The following PGM5 variants were observed in gnomAD, a reference collection of about 807,000 sequenced individuals.
PGM5 encodes phosphoglucomutase-like protein 5.
In PGM5, 23 loss-of-function variants were observed where a neutral mutation model predicts 59.2. The observed-to-expected ratio is 0.39, with a 90% CI of 0.28 to 0.55. PGM5 has a LOEUF of 0.55. Among genes scored for constraint, PGM5 ranks in the 20% least tolerant of loss-of-function variants. PGM5 has a pLI of 0.66. For synonymous variants in PGM5, 214 were observed against 286.0 expected (o/e 0.75, Z 2.54); for missense variants, 574 against 748.3 (o/e 0.77, Z 2.72).
At chr9:68,417,770 C>A (rs1554682089) in intron 6 of PGM5, among the ~76,000 whole-genome samples, 1 of 152,152 alleles carries the variant, frequency 6.6e-6, no homozygotes, top group Admixed American at 6.5e-5. Flanking sequence ...TTGTTCTATG[C>A]GGCCACCCAG....
intron 1 of PGM5, among the ~76,000 whole-genome samples, chr9:68,363,765 G>C (rs1431988981): frequency 1.3e-5 from 2 of 152,304 alleles, no homozygotes; most frequent in African/African-American, 4.8e-5. Flanking sequence ...ATACAAGTTG[G>C]AGGGCAGATG....
chr9:68,527,930 A>T (rs962211376), intron 10 of PGM5, among the ~76,000 whole-genome samples: 3 of 152,174 alleles, frequency 2.0e-5, no homozygotes, highest in African/African-American at 7.2e-5. Flanking sequence ...CCCTCCCAAC[A>T]AGACTGGCTC....
At chr9:68,488,210 T>C (rs1824329318) in intron 9 of PGM5, among the ~76,000 whole-genome samples, 1 of 152,222 alleles carries the variant, frequency 6.6e-6, no homozygotes, top group Non-Finnish European at 1.5e-5. Context: ...CTAAGTCATC[T>C]GGGAATTGAT....
At chr9:68,410,618 G>A (rs1360621005) in intron 6 of PGM5, among the ~76,000 whole-genome samples, 1 of 152,114 alleles carries the variant, frequency 6.6e-6, no homozygotes, top group Non-Finnish European at 1.5e-5. Context: ...ACTCCAGGGT[G>A]TAGGATATGA....
At position 68,462,319 on chromosome 9, in the gene PGM5, C is replaced by T. The variant is rs1298062866; in HGVS notation, c.1044-2774C>T. Among the ~76,000 whole-genome samples, 11 of 152,262 alleles carry T rather than the reference C, an allele frequency of 7.2e-5. No individual in the cohort carries two copies. The East Asian group carries it at 2.1e-3, about 29-fold the overall frequency. ...TAGAGAATTTCAGAGATTCCAGGGG[C>T]TTTCTGCCAAAAACCCATCTAATGC... is the stretch of plus-strand genomic sequence containing the variant. On this transcript the variant is annotated intron_variant, in intron 6 of 10. Transcript: ENST00000396396.
chr9:68,524,399 G>C (rs971372099), intron 10 of PGM5, among the ~76,000 whole-genome samples: 1 of 152,120 alleles, frequency 6.6e-6, no homozygotes, highest in East Asian at 1.9e-4. Flanking sequence ...AGGATGCAAG[G>C]CCTGCTTGGT....
At chr9:68,490,466 T>C (rs183869443) in intron 9 of PGM5, among the ~76,000 whole-genome samples, 69 of 152,358 alleles carry the variant, frequency 4.5e-4, no homozygotes, top group East Asian at 4.4e-3. Flanking sequence ...GAGATTCTCC[T>C]GCCTCAGCCC....
At chr9:68,360,289 A>C (rs1834551566) in intron 1 of PGM5, among the ~76,000 whole-genome samples, 1 of 151,738 alleles carries the variant, frequency 6.6e-6, no homozygotes, top group East Asian at 1.9e-4. Context: ...ACATGTATAA[A>C]AAATTTTATA....
intron 6 of PGM5, among the ~76,000 whole-genome samples, chr9:68,443,357 G>A (rs1288110992): frequency 3.9e-5 from 6 of 152,146 alleles, no homozygotes; most frequent in African/African-American, 1.4e-4. Context: ...CAGGGGCTAG[G>A]GGTGGAGGGA....
At chr9:68,382,817 A>G (rs1554678443) in intron 2 of PGM5, among the ~76,000 whole-genome samples, 2 of 151,772 alleles carry the variant, frequency 1.3e-5, no homozygotes, top group African/African-American at 4.8e-5. Context: ...ATGGCATCAT[A>G]GACAACTATC....
intron 6 of PGM5, among the ~76,000 whole-genome samples, chr9:68,433,268 A>G (rs1338542556): frequency 6.6e-6 from 1 of 152,210 alleles, no homozygotes; most frequent in Non-Finnish European, 1.5e-5. Context: ...GCTTCTTCAC[A>G]TCTCTGTGAA....
At chr9:68,360,834 AATC>A (rs147952561) in intron 1 of PGM5, among the ~76,000 whole-genome samples, 2,069 of 152,318 alleles carry the variant, frequency 0.014, 59 homozygotes, top group African/African-American at 0.048. Flanking sequence ...ATAGTTACGA[AATC>A]ATCTTTTCAA....
At chr9:68,434,874 T>C (rs2132058860) in intron 6 of PGM5, among the ~76,000 whole-genome samples, 1 of 152,276 alleles carries the variant, frequency 6.6e-6, no homozygotes, top group South Asian at 2.1e-4. Context: ...TTCCTACTTA[T>C]AGTTAAGGTG....
chr9:68,370,132 G>T (rs1185132248), intron 1 of PGM5, among the ~76,000 whole-genome samples: 1 of 152,064 alleles, frequency 6.6e-6, no homozygotes, highest in Non-Finnish European at 1.5e-5. Context: ...AGGCTGTATG[G>T]TCCTGGAGAA....
At chr9:68,403,470 T>C (rs1162981353) in intron 6 of PGM5, among the ~76,000 whole-genome samples, 6 of 152,228 alleles carry the variant, frequency 3.9e-5, no homozygotes, top group African/African-American at 1.4e-4. Flanking sequence ...GGAAAAATTG[T>C]CTTCCACAAA....
intron 9 of PGM5, chr9:68,497,141 T>G (rs1427067347): frequency 1.3e-5 from 2 of 152,228 alleles, no homozygotes; most frequent in Non-Finnish European, 2.9e-5. Flanking sequence ...CAGTCAGTAA[T>G]TGCTTCACTT....
Position 68,357,251 on chromosome 9 carries a change from C to T in PGM5, c.124C>T (p.Pro42Ser). The T allele has an allele frequency of 6.5e-7, 1 of 1,543,706 alleles. No individual in the cohort carries two copies. Among genetic ancestry groups the T allele is most frequent in the Non-Finnish European group, 8.7e-7 (1 of 1,146,022 alleles). Reference sequence around the variant, plus strand: ...CTTCGAGGGCCAGCGCAACTACCTGCCCAACTTTATCCAGAGCGTGCTGTC... The same window carrying T: ...CTTCGAGGGCCAGCGCAACTACCTGTCCAACTTTATCCAGAGCGTGCTGTC... Reference protein sequence around the residue: ...GLFEGQRNYLPNFIQSVLSSI... With the variant: ...GLFEGQRNYLSNFIQSVLSSI... Residue 42 changes from proline (P) to serine (S), a missense_variant, in exon 1 of 11, where the codon CCC becomes TCC. Pro to Ser is a moderately conservative substitution (Grantham distance 74, BLOSUM62 -1). This residue lies in a region of PGM5 where 60 missense variants were observed against 71.0 expected (regional missense o/e 0.85). Coordinates refer to ENST00000396396, the MANE Select transcript of PGM5 (RefSeq NM_021965.4).
chr9:68,396,581 G>T (rs1554679998), intron 6 of PGM5: 1 of 152,350 alleles, frequency 6.6e-6, no homozygotes, highest in African/African-American at 2.4e-5. Context: ...CAAAGGACCT[G>T]TTCTGATATG....
At chr9:68,456,798 G>A (rs1823786935) in intron 6 of PGM5, among the ~76,000 whole-genome samples, 1 of 151,490 alleles carries the variant, frequency 6.6e-6, no homozygotes, top group Non-Finnish European at 1.5e-5. Flanking sequence ...CTAATTTTTT[G>A]TATTTTTAGT....
Sources: allele counts gnomAD v4.1 joint callset (sites outside exome capture counted in the v4.1 genomes callset), GRCh38; gene constraint gnomAD v4.1.1; regional missense constraint gnomAD v4.1.1; transcripts MANE v1.5; gene names NCBI Gene and HGNC (gene_info 2026-07-23, HGNC 2026-07-21).